Variants in NSMCE2 observed in about 807,000 individuals in gnomAD.
The protein encoded by NSMCE2 is NSE2 SUMO ligase component of SMC5/6 complex.
In NSMCE2, 24 loss-of-function variants were observed where a neutral mutation model predicts 23.8. That is an observed-to-expected ratio of 1.01 (90% CI 0.73 to 1.42). NSMCE2 has a LOEUF of 1.42. Ranked by LOEUF, NSMCE2 falls within the 40% of genes most tolerant of loss-of-function variation. The pLI is 0.00. For missense variants in NSMCE2, 284 were observed against 296.5 expected (o/e 0.96, Z 0.31); for synonymous variants, 92 against 94.1 (o/e 0.98, Z 0.13).
intron 5 of NSMCE2, among the ~76,000 whole-genome samples, chr8:125,316,702 C>CTTT (rs1829207141): frequency 2.3e-4 from 15 of 64,830 alleles, no homozygotes; most frequent in Admixed American, 5.8e-4. Context: ...TTCTTTCCTT[C>CTTT]CTTCCTTCTT....
At chr8:125,157,585 A>G (rs572915631) in intron 4 of NSMCE2, among the ~76,000 whole-genome samples, 2 of 152,330 alleles carry the variant, frequency 1.3e-5, no homozygotes, top group East Asian at 3.9e-4. Flanking sequence ...TTTGCCTAAT[A>G]AACAGAGACA....
intron 5 of NSMCE2, among the ~76,000 whole-genome samples, chr8:125,345,199 G>A (rs532055569): frequency 1.2e-4 from 18 of 150,686 alleles, no homozygotes; most frequent in Middle Eastern, 3.4e-3. Context: ...TACGTATGTG[G>A]AGTAGTTTAT....
chr8:125,276,732 C>G lies in NSMCE2; in HGVS notation c.419-80487C>G, dbSNP rs575067212. The stretch of plus-strand genomic sequence containing the variant: ...ACAGATGTATTTTTGTTTGTTTCAT[C>G]CTAATAACCCAATGAAGTTAGTGTT... On this transcript the variant is annotated intron_variant, in intron 5 of 7. Transcript: ENST00000287437. 2.0e-5 allele frequency among the ~76,000 whole-genome samples: 3 copies of G among 152,288 alleles called. No individual in the cohort carries two copies. In the South Asian group the frequency reaches 6.2e-4, roughly 32 times the overall value.
chr8:125,107,927 A>T (rs1339650038), intron 3 of NSMCE2, among the ~76,000 whole-genome samples: 8 of 152,090 alleles, frequency 5.3e-5, no homozygotes, highest in African/African-American at 1.9e-4. Flanking sequence ...CCAGCTACTC[A>T]GAAGGCTGAG....
chr8:125,142,302 A>G (rs1431183234), intron 3 of NSMCE2, among the ~76,000 whole-genome samples: 1 of 152,230 alleles, frequency 6.6e-6, no homozygotes, highest in African/African-American at 2.4e-5. Flanking sequence ...AGACTCTAGT[A>G]AAATGACTTA....
intron 3 of NSMCE2, among the ~76,000 whole-genome samples, chr8:125,142,922 G>A (rs60187894): frequency 6.6e-6 from 1 of 152,160 alleles, no homozygotes; most frequent in African/African-American, 2.4e-5. Context: ...TTTTAATTTT[G>A]CCACACTAAT....
At chr8:125,094,325 C>G (rs1817827667) in intron 1 of NSMCE2, 1 of 152,168 alleles carries the variant, frequency 6.6e-6, no homozygotes, top group Non-Finnish European at 1.5e-5. Context: ...CTGTTAGAGT[C>G]AGAGAAAGGA....
chr8:125,245,397 TAAA>T (rs1563740853), intron 5 of NSMCE2, among the ~76,000 whole-genome samples: 2 of 152,278 alleles, frequency 1.3e-5, no homozygotes, highest in African/African-American at 4.8e-5. Context: ...ATTTGAAATT[TAAA>T]AAAGAAACTT....
intron 5 of NSMCE2, among the ~76,000 whole-genome samples, chr8:125,325,275 T>C (rs1204482988): frequency 6.6e-6 from 1 of 151,336 alleles, no homozygotes; most frequent in Non-Finnish European, 1.5e-5. Context: ...TTGGGTAACA[T>C]AGCCAAACCC....
intron 4 of NSMCE2, among the ~76,000 whole-genome samples, chr8:125,163,610 A>AC (rs895862966): frequency 6.6e-6 from 1 of 151,898 alleles, no homozygotes; most frequent in Admixed American, 6.6e-5. Flanking sequence ...TGTTTTGACT[A>AC]CCCCCCTGCC....
intron 3 of NSMCE2, among the ~76,000 whole-genome samples, chr8:125,127,309 GT>G (rs1819561607): frequency 6.6e-6 from 1 of 152,176 alleles, no homozygotes; most frequent in Non-Finnish European, 1.5e-5. Context: ...CACTGAGAAT[GT>G]GTGCTGAGGT....
intron 5 of NSMCE2, among the ~76,000 whole-genome samples, chr8:125,184,936 G>C (rs1228395475): frequency 6.6e-6 from 1 of 152,186 alleles, no homozygotes; most frequent in Non-Finnish European, 1.5e-5. Flanking sequence ...AGAGGCCAGA[G>C]AGAGAGACTT....
At chr8:125,261,246 A>T (rs1826678890) in intron 5 of NSMCE2, among the ~76,000 whole-genome samples, 2 of 152,346 alleles carry the variant, frequency 1.3e-5, no homozygotes, top group East Asian at 3.9e-4. Flanking sequence ...ATGCAAGCTA[A>T]TCCCCTGCTG....
intron 5 of NSMCE2, among the ~76,000 whole-genome samples, chr8:125,272,946 G>T (rs1409632364): frequency 6.6e-6 from 1 of 151,988 alleles, no homozygotes; most frequent in African/African-American, 2.4e-5. Flanking sequence ...GCTAGGCCAG[G>T]GTTGAAACCC....
intron 5 of NSMCE2, among the ~76,000 whole-genome samples, chr8:125,291,831 G>T (rs576242430): frequency 1.3e-5 from 2 of 152,218 alleles, no homozygotes; most frequent in South Asian, 4.2e-4. Flanking sequence ...ACTAACAGGA[G>T]TTTCTATATA....
chr8:125,120,357 C>A (rs973230432), intron 3 of NSMCE2, among the ~76,000 whole-genome samples: 1 of 152,276 alleles, frequency 6.6e-6, no homozygotes, highest in East Asian at 1.9e-4. Flanking sequence ...GAGTTATTAT[C>A]TGTTGATTTC....
At chr8:125,284,209 A>G (rs1827808594) in intron 5 of NSMCE2, among the ~76,000 whole-genome samples, 1 of 144,438 alleles carries the variant, frequency 6.9e-6, no homozygotes, top group African/African-American at 2.5e-5. Flanking sequence ...AAAAAAAAAA[A>G]GAAAAAAAAT....
chr8:125,305,755 A>C (rs1317915595), intron 5 of NSMCE2, among the ~76,000 whole-genome samples: 2 of 152,098 alleles, frequency 1.3e-5, no homozygotes, highest in South Asian at 2.1e-4. Flanking sequence ...ATGCAGTGTA[A>C]TTTTTTCTGA....
At position 125,204,540 on chromosome 8, in the gene NSMCE2, C is replaced by T. The variant is rs139335350; in HGVS notation, c.418+22284C>T. Among the ~76,000 whole-genome samples the T allele has an allele frequency of 1.2e-3, 181 of 152,304 alleles. 1 individual carries two copies. The highest frequency in any genetic ancestry group is 3.1e-3 in the Admixed American group (47 of 15,300). On this transcript the variant is annotated intron_variant, in intron 5 of 7. Coordinates refer to ENST00000287437, the MANE Select transcript of NSMCE2 (RefSeq NM_173685.4). ...ATGGAAGCATTAATTTTTCCCCGTA[C>T]ACAAAGTATTAAGTTGACCATACTT... is the stretch of plus-strand genomic sequence containing the variant.
Sources: gnomAD v4.1 joint callset for allele counts (sites outside exome capture counted in the v4.1 genomes callset) on GRCh38, gnomAD v4.1.1 for gene constraint, MANE v1.5 for transcripts, NCBI Gene and HGNC (gene_info 2026-07-23, HGNC 2026-07-21) for gene names.